The following STAC variants were observed in gnomAD, a reference collection of about 807,000 sequenced individuals.
STAC encodes the protein SH3 and cysteine-rich domain-containing protein.
STAC carries 43 observed loss-of-function variants against 48.8 expected under a neutral mutation model. The ratio of observed to expected loss-of-function variants is 0.88; its 90% CI spans 0.69 to 1.14. The LOEUF (loss-of-function observed/expected upper bound fraction) is 1.14. STAC is among the 50% of genes most tolerant of loss of function. STAC has a pLI of 0.00. For missense variants in STAC, 497 were observed against 504.0 expected (o/e 0.99, Z 0.13); for synonymous variants, 193 against 179.5 (o/e 1.07, Z -0.60).
chr3:36,524,360 A>G (rs1869846), intron 8 of STAC, among the ~76,000 whole-genome samples: 103,523 of 151,936 alleles, frequency 0.68, 35,757 homozygotes, highest in African/African-American at 0.77. Flanking sequence ...TTGGGAGGCT[A>G]AGGCAGGCAG....
At chr3:36,444,050 C>T (rs1271422743) in intron 2 of STAC, among the ~76,000 whole-genome samples, 3 of 152,204 alleles carry the variant, frequency 2.0e-5, no homozygotes, top group Non-Finnish European at 1.5e-5. Context: ...ATATCAGTGA[C>T]ATCCAATATG....
intron 1 of STAC, among the ~76,000 whole-genome samples, chr3:36,382,368 A>C (rs1435832731): frequency 2.0e-5 from 3 of 152,242 alleles, no homozygotes; most frequent in African/African-American, 7.2e-5. Context: ...GTTCAAATGC[A>C]TTATATGGAT....
Position 36,443,501 on chromosome 3 carries a change from C to T in STAC, c.249C>T (p.Ser83=). The change falls in exon 2 of 11, where the codon TCC becomes TCT. Residue 83 remains serine (S), a synonymous_variant. Coordinates refer to ENST00000273183, the MANE Select transcript of STAC (RefSeq NM_003149.3). The surrounding 1 kb of genome is among the most constrained non-coding windows in gnomAD (Gnocchi z 4.2). The part of the protein sequence containing the change: ...AHMVAEISPS[S]SPLPAPGSLT... ...TGGTGGCTGAGATCAGCCCCAGCTC[C>T]AGCCCACTCCCTGCTCCAGGAAGCC... is the stretch of plus-strand genomic sequence containing the variant. 6.2e-7 allele frequency: 1 copy of T among 1,614,248 alleles called. No homozygotes were observed. The highest frequency in any genetic ancestry group is 8.5e-7 in the Non-Finnish European group (1 of 1,180,042).
intron 1 of STAC, among the ~76,000 whole-genome samples, chr3:36,437,810 C>T (rs1696190971): frequency 6.6e-6 from 1 of 150,522 alleles, no homozygotes; most frequent in African/African-American, 2.4e-5. Context: ...AATAAAAAAA[C>T]TCACTTATTA....
chr3:36,434,616 C>G (rs1204368583), intron 1 of STAC, among the ~76,000 whole-genome samples: 2 of 152,150 alleles, frequency 1.3e-5, no homozygotes, highest in Non-Finnish European at 2.9e-5. Flanking sequence ...GTGACTGTGC[C>G]TCCTAATTTA....
intron 2 of STAC, among the ~76,000 whole-genome samples, chr3:36,461,662 A>G (rs1697020799): frequency 6.6e-6 from 1 of 152,212 alleles, no homozygotes; most frequent in Non-Finnish European, 1.5e-5. Context: ...TGAGGTGGTC[A>G]GAATGAGAGT....
intron 10 of STAC, among the ~76,000 whole-genome samples, chr3:36,539,815 A>T (rs1202956505): frequency 6.6e-6 from 1 of 152,152 alleles, no homozygotes; most frequent in African/African-American, 2.4e-5. Flanking sequence ...TGTAATTTTT[A>T]AAATGTTTTA....
chr3:36,462,239 T>A (rs952216572), intron 2 of STAC, among the ~76,000 whole-genome samples: 1 of 152,136 alleles, frequency 6.6e-6, no homozygotes, highest in Non-Finnish European at 1.5e-5. Context: ...AGGGAAACTG[T>A]CTACTATAAG....
intron 2 of STAC, among the ~76,000 whole-genome samples, chr3:36,466,387 T>A: frequency 6.6e-6 from 1 of 152,070 alleles, no homozygotes; most frequent in Non-Finnish European, 1.5e-5. Flanking sequence ...ATGTGGGCTC[T>A]TTTTTGGTTT....
rs188220771 is a variant in STAC, at chr3:36,478,752, T to A, written c.389-4240T>A. Among the ~76,000 whole-genome samples, 386 of 152,240 alleles carry A rather than the reference T, an allele frequency of 2.5e-3. 4 individuals carry two copies. The highest frequency in any genetic ancestry group is 7.3e-3 in the South Asian group (35 of 4,826). ...ATCTGCCCACCTCAGCTTCCCAAAG[T>A]GCTGGGATTACAGGCATGAACCACC... On this transcript the variant is annotated intron_variant, in intron 2 of 10. Transcript: ENST00000273183.
rs761443348 is a variant in STAC, at chr3:36,517,458, T to A, written c.921-11238T>A. Among the ~76,000 whole-genome samples the A allele has an allele frequency of 5.9e-5, 9 of 152,140 alleles. No individual in the cohort carries two copies. In the South Asian group the frequency reaches 8.3e-4, roughly 14 times the overall value. On this transcript the variant is annotated intron_variant, in intron 8 of 10. Transcript: ENST00000273183. ...TGAGCCCAGGAGTTCAAAACCAGCC[T>A]GCGCAACATGGAAAGACACCATCTC...
Position 36,529,071 on chromosome 3 carries a change from G to A in STAC, c.1110+86G>A, listed in dbSNP as rs901134298. 6 of 1,300,294 alleles carry A rather than the reference G, an allele frequency of 4.6e-6. No homozygotes were observed. The Admixed American group carries it at 9.4e-5, about 20-fold the overall frequency. The allele number at this position is 1,300,294 out of a possible 1,614,324, so 80.5% of individuals were successfully genotyped here. ...CTTAATAATATGTATAAATCTGAAT[G>A]AGTGGGGTCACATTCAAAGTATTCA... On this transcript the variant is annotated intron_variant, in intron 10 of 10. Coordinates refer to ENST00000273183, the MANE Select transcript of STAC (RefSeq NM_003149.3).
chr3:36,446,739 A>G (rs1246074354), intron 2 of STAC, among the ~76,000 whole-genome samples: 1 of 152,216 alleles, frequency 6.6e-6, no homozygotes, highest in Admixed American at 6.5e-5. Context: ...TTATTGCCAG[A>G]TATCTTGTTT....
At chr3:36,523,631 T>C (rs1334477413) in intron 8 of STAC, among the ~76,000 whole-genome samples, 1 of 152,202 alleles carries the variant, frequency 6.6e-6, no homozygotes, top group Non-Finnish European at 1.5e-5. Context: ...GAAGGACTTT[T>C]CTCAAATGTG....
rs550062269 is a variant in STAC at position 36,398,690 on chromosome 3, AAAAGAAAG to A, written c.111+17950_111+17957del. On this transcript the variant is annotated intron_variant, in intron 1 of 10. Coordinates refer to ENST00000273183, the MANE Select transcript of STAC (RefSeq NM_003149.3). ...GAAGGAAGGAAAGAAAGAAAGAAAG[AAAAGAAAG>A]AAAGAAAGAAAGAGAGAAAGAAAGA... is the stretch of plus-strand genomic sequence containing the variant. Among the ~76,000 whole-genome samples the A allele has an allele frequency of 1.9e-4, 27 of 141,000 alleles. 1 individual carries two copies. Among genetic ancestry groups the A allele is most frequent in the East Asian group, 4.1e-4 (2 of 4,824 alleles). The allele number at this position is 141,000 out of a possible 152,430, so 92.5% of individuals were successfully genotyped here.
At chr3:36,544,679 C>T (rs1402531134) in intron 10 of STAC, among the ~76,000 whole-genome samples, 1 of 152,090 alleles carries the variant, frequency 6.6e-6, no homozygotes, top group Non-Finnish European at 1.5e-5. Flanking sequence ...GCAGAACGTG[C>T]ACGTTTGTTA....
chr3:36,404,899 CTATTA>C (rs1195654066), intron 1 of STAC, among the ~76,000 whole-genome samples: 2 of 151,922 alleles, frequency 1.3e-5, no homozygotes, highest in Non-Finnish European at 2.9e-5. Context: ...TAATATACAG[CTATTA>C]TATATTCTTT....
chr3:36,424,268 C>A (rs1336959646), intron 1 of STAC, among the ~76,000 whole-genome samples: 31 of 148,194 alleles, frequency 2.1e-4, no homozygotes, highest in South Asian at 8.5e-4. Flanking sequence ...AAAAAAAAAA[C>A]AAAACTGTTC....
intron 4 of STAC, 83 bp from the exon 5 acceptor site, chr3:36,486,051 C>A: frequency 9.8e-7 from 1 of 1,021,790 alleles, no homozygotes; most frequent in Non-Finnish European, 1.5e-6. Context: ...TTCTCAGGCG[C>A]TGTTCACCCA....
Sources: allele counts gnomAD v4.1 joint callset (sites outside exome capture counted in the v4.1 genomes callset), GRCh38; gene constraint gnomAD v4.1.1; non-coding constraint Gnocchi (gnomAD v3.1); transcripts MANE v1.5; gene names NCBI Gene and HGNC (gene_info 2026-07-23, HGNC 2026-07-21).